Variants in DPF3 observed in about 807,000 individuals in gnomAD.
The protein encoded by DPF3 is zinc finger protein DPF3.
DPF3 carries 18 observed loss-of-function variants against 56.8 expected under a neutral mutation model. The observed-to-expected ratio is 0.32, with a 90% CI of 0.22 to 0.47. The LOEUF (loss-of-function observed/expected upper bound fraction) is 0.47, where lower values mean the gene tolerates loss of function less well. DPF3 is among the 20% of genes least tolerant of loss of function. The probability of loss-of-function intolerance (pLI) is 1.00; values close to 1 mark genes in which losing one functional copy is unlikely to be tolerated. For synonymous variants in DPF3, 188 were observed against 180.2 expected, an observed-to-expected ratio of 1.04 and a Z score of -0.35; for missense variants, 403 against 488.8, an observed-to-expected ratio of 0.82 and a Z score of 1.65.
intron 2 of DPF3, among the ~76,000 whole-genome samples, chr14:72,756,815 A>G (rs1890810292): frequency 1.7e-5 from 2 of 118,024 alleles, no homozygotes; most frequent in Non-Finnish European, 3.5e-5. Context: ...TGTGAAAGAA[A>G]GAAAGACAGA....
rs375168958 is a variant in DPF3, at chr14:72,610,797, G to A, written c.*8500C>T. Reference sequence around the variant, plus strand: ...TCCCTCAAGGAGCTGGGGACCTGAGGGCTCAGGGCCCACCACTGGCTGCCT... The same window carrying A: ...TCCCTCAAGGAGCTGGGGACCTGAGAGCTCAGGGCCCACCACTGGCTGCCT... On this transcript the variant is annotated 3_prime_UTR_variant, in exon 11 of 11. Coordinates refer to ENST00000556509, the MANE Select transcript of DPF3 (RefSeq NM_001280542.3). 3.3e-5 allele frequency among the ~76,000 whole-genome samples: 5 copies of A among 152,186 alleles called. No homozygotes were observed. Among genetic ancestry groups the A allele is most frequent in the East Asian group, 3.9e-4 (2 of 5,186 alleles).
chr14:72,650,237 C>T (rs1885867786), intron 8 of DPF3, among the ~76,000 whole-genome samples: 1 of 152,234 alleles, frequency 6.6e-6, no homozygotes, highest in Admixed American at 6.5e-5. Context: ...GGAATAAAGG[C>T]CCTCCCTGAA....
intron 1 of DPF3, among the ~76,000 whole-genome samples, chr14:72,827,612 G>A (rs1883869722): frequency 6.7e-6 from 1 of 149,188 alleles, no homozygotes; most frequent in South Asian, 2.1e-4. Context: ...AAGTAGCTGG[G>A]ACTACAGGTG....
intron 10 of DPF3, among the ~76,000 whole-genome samples, 155 bp downstream of exon 10, chr14:72,619,748 G>A (rs753209097): frequency 6.6e-6 from 1 of 152,138 alleles, no homozygotes; most frequent in Non-Finnish European, 1.5e-5. Flanking sequence ...AATGGCAGTC[G>A]TCGTACCTAC....
chr14:72,654,648 T>G (rs888522568), intron 8 of DPF3, among the ~76,000 whole-genome samples: 7 of 152,206 alleles, frequency 4.6e-5, no homozygotes, highest in African/African-American at 1.7e-4. Context: ...ATTGTAATCT[T>G]AATCTCAAAG....
At chr14:72,683,942 T>G (rs756640140) in intron 7 of DPF3, among the ~76,000 whole-genome samples, 1 of 152,164 alleles carries the variant, frequency 6.6e-6, no homozygotes, top group Non-Finnish European at 1.5e-5. Context: ...GACCACACTG[T>G]CAGATGCAAA....
intron 7 of DPF3, among the ~76,000 whole-genome samples, chr14:72,687,791 A>G (rs1477114261): frequency 1.3e-5 from 2 of 152,118 alleles, no homozygotes; most frequent in African/African-American, 4.8e-5. Context: ...TTGAGTATGC[A>G]CCAGAATGCC....
chr14:72,793,731 C>A (rs575337895), intron 1 of DPF3, among the ~76,000 whole-genome samples: 2 of 152,360 alleles, frequency 1.3e-5, no homozygotes, highest in African/African-American at 4.8e-5. Context: ...CACTTGCCTG[C>A]AGCTCCCTTG....
At chr14:72,729,212 C>T (rs1889534183) in intron 4 of DPF3, among the ~76,000 whole-genome samples, 1 of 152,106 alleles carries the variant, frequency 6.6e-6, no homozygotes, top group Non-Finnish European at 1.5e-5. Flanking sequence ...TGCACCACTT[C>T]ACTCCAGCCT....
intron 8 of DPF3, among the ~76,000 whole-genome samples, chr14:72,635,386 C>G (rs776291301): frequency 6.6e-6 from 1 of 152,222 alleles, no homozygotes; most frequent in Non-Finnish European, 1.5e-5. Flanking sequence ...GGACACATCT[C>G]ATGTCTTTAC....
chr14:72,661,102 C>A, intron 8 of DPF3: 1 of 985,436 alleles, frequency 1.0e-6, no homozygotes, highest in South Asian at 4.7e-5. Context: ...TTGGTACAAA[C>A]CCTACATTAT....
intron 7 of DPF3, chr14:72,675,756 T>C (rs552602215): frequency 6.6e-6 from 1 of 152,378 alleles, no homozygotes; most frequent in South Asian, 2.1e-4. Context: ...TTCTAAGTCA[T>C]TGATTTCCAT....
chr14:72,834,387 T>A (rs1258237751), intron 1 of DPF3, among the ~76,000 whole-genome samples: 3 of 149,976 alleles, frequency 2.0e-5, no homozygotes, highest in African/African-American at 7.4e-5. Flanking sequence ...ATCCCAGCTA[T>A]TCGGGAGGCT....
At chr14:72,679,302 T>C (rs997254360) in intron 7 of DPF3, 1 of 152,286 alleles carries the variant, frequency 6.6e-6, no homozygotes, top group Non-Finnish European at 1.5e-5. Context: ...CCAAGCATCC[T>C]AGGGAACAGG....
chr14:72,624,643 A>G (rs1884709288), intron 9 of DPF3, among the ~76,000 whole-genome samples: 1 of 152,092 alleles, frequency 6.6e-6, no homozygotes, highest in South Asian at 2.1e-4. Context: ...CCGGCCCCCA[A>G]CCTATGTCTC....
intron 8 of DPF3, among the ~76,000 whole-genome samples, chr14:72,641,358 C>T (rs1885559898): frequency 6.6e-6 from 1 of 152,244 alleles, no homozygotes; most frequent in South Asian, 2.1e-4. Context: ...ACTCCATTCA[C>T]TCATAGCAGG....
chr14:72,727,529 T>C (rs1599388411), intron 4 of DPF3, among the ~76,000 whole-genome samples: 3 of 151,758 alleles, frequency 2.0e-5, no homozygotes, highest in Admixed American at 6.6e-5. Context: ...TCAGCTGAGA[T>C]TGTACCATTG....
Position 72,612,756 on chromosome 14 carries a change from A to G in DPF3, c.*6541T>C, listed in dbSNP as rs2803956. The G allele has an allele frequency of 0.54, 199,567 of 369,234 alleles. 57,198 individuals are homozygous for G. The highest frequency in any genetic ancestry group is 0.94 in the East Asian group (12,962 of 13,816). 22.9% of individuals were successfully genotyped at this position (369,234 alleles called of 1,614,324 possible). A position where few individuals can be genotyped will look rare whatever the true frequency, so the allele number is the denominator to read the frequency against. The stretch of plus-strand genomic sequence containing the variant: ...TTGAAGTACCCAACTATTGCCAAAT[A>G]TCTTTCATGAAAAGAAGCATAGGTG... On this transcript the variant is annotated 3_prime_UTR_variant, in exon 11 of 11. Transcript: ENST00000556509.
chr14:72,614,567 G>T lies in DPF3; in HGVS notation c.*4730C>A, dbSNP rs1488510914. ...TGGAAATGCTTCACTCCCCAAGGCT[G>T]CAGGCATGATCCAGCCCTCCCTCAC... is the stretch of plus-strand genomic sequence containing the variant. On this transcript the variant is annotated 3_prime_UTR_variant, in exon 11 of 11. Transcript: ENST00000556509. 1.3e-5 allele frequency among the ~76,000 whole-genome samples: 2 copies of T among 151,984 alleles called. No homozygotes were observed. The highest frequency in any genetic ancestry group is 2.9e-5 in the Non-Finnish European group (2 of 67,982).
Sources: allele counts gnomAD v4.1 joint callset (sites outside exome capture counted in the v4.1 genomes callset), GRCh38; gene constraint gnomAD v4.1.1; transcripts MANE v1.5; gene names NCBI Gene and HGNC (gene_info 2026-07-23, HGNC 2026-07-21).